Variants in AGAP1 observed in about 807,000 individuals in gnomAD.
The protein encoded by AGAP1 is ArfGAP with GTPase domain, ankyrin repeat and PH domain 1.
AGAP1 carries 29 observed loss-of-function variants against 105.3 expected under a neutral mutation model. The ratio of observed to expected loss-of-function variants is 0.28; its 90% CI spans 0.21 to 0.38. The LOEUF is 0.38. Among genes scored for constraint, AGAP1 ranks in the 10% least tolerant of loss-of-function variants. The pLI is 1.00. For missense variants in AGAP1, 998 were observed against 1,165.1 expected (o/e 0.86, Z 2.09); for synonymous variants, 509 against 485.9 (o/e 1.05, Z -0.63).
At chr2:235,852,960 A>T in intron 9 of AGAP1, 1 of 1,264,250 alleles carries the variant, frequency 7.9e-7, no homozygotes, top group East Asian at 3.1e-5. Context: ...GACACCTTCC[A>T]ACAAAGAGGT....
In AGAP1 at chr2:235,905,980, T is replaced by C. The variant is rs554496060; in HGVS notation, c.1156-2758T>C. On this transcript the variant is annotated intron_variant, in intron 10 of 17. Coordinates refer to ENST00000304032, the MANE Select transcript of AGAP1 (RefSeq NM_001037131.3). The surrounding 1 kb of genome is among the most constrained non-coding windows in gnomAD (Gnocchi z 4.2). ...TTTTGTGGAGTCCAGCATCTCAACT[T>C]CCAAGTGGAATCCCTTTCGGGGGCT... is the stretch of plus-strand genomic sequence containing the variant. 6.6e-6 allele frequency among the ~76,000 whole-genome samples: 1 copy of C among 152,328 alleles called. No homozygotes were observed. The highest frequency in any genetic ancestry group is 2.1e-4 in the South Asian group (1 of 4,826).
rs377587447 is a variant in AGAP1, at chr2:235,738,781, C to T, written c.311-2182C>T. On this transcript the variant is annotated intron_variant, in intron 3 of 17. Transcript: ENST00000304032. ...CCGTGTTGGTCATGCTGGTCTTGAACTCCTGACCTCAGGTGATCCACCTGC... is the reference window on the plus strand; with the variant it reads ...CCGTGTTGGTCATGCTGGTCTTGAATTCCTGACCTCAGGTGATCCACCTGC... Among the ~76,000 whole-genome samples the T allele has an allele frequency of 8.5e-5, 13 of 152,204 alleles. No homozygotes were observed. In the East Asian group the frequency reaches 1.9e-3, roughly 23 times the overall value.
intron 1 of AGAP1, among the ~76,000 whole-genome samples, chr2:235,570,918 G>A (rs995668552): frequency 4.0e-4 from 61 of 152,224 alleles, no homozygotes; most frequent in African/African-American, 1.4e-3. Flanking sequence ...CTGAGACTGG[G>A]TAATTTATAA....
chr2:235,796,192 A>G, intron 6 of AGAP1, among the ~76,000 whole-genome samples: 1 of 152,356 alleles, frequency 6.6e-6, no homozygotes, highest in African/African-American at 2.4e-5. Flanking sequence ...CAAAGTAGCA[A>G]TACTTTAGCA....
chr2:236,094,359 ATT>A (rs200607758), intron 16 of AGAP1, among the ~76,000 whole-genome samples: 16 of 142,422 alleles, frequency 1.1e-4, no homozygotes, highest in Admixed American at 2.1e-4. Context: ...AGAGCTGAGA[ATT>A]TTTTTTTTTT....
At chr2:235,834,551 T>C (rs764439326) in intron 9 of AGAP1, among the ~76,000 whole-genome samples, 2 of 152,158 alleles carry the variant, frequency 1.3e-5, no homozygotes, top group Admixed American at 6.5e-5. Context: ...TGGCTCTTAA[T>C]TTACATATTC....
chr2:235,510,716 A>C (rs1482056369), intron 1 of AGAP1, among the ~76,000 whole-genome samples: 2 of 152,022 alleles, frequency 1.3e-5, no homozygotes, highest in Non-Finnish European at 2.9e-5. Flanking sequence ...CAGTGATGGG[A>C]TAGCAGCTGT....
At chr2:235,495,038 G>A (rs1941252924) in intron 1 of AGAP1, among the ~76,000 whole-genome samples, 189 bp downstream of exon 1, 2 of 152,140 alleles carry the variant, frequency 1.3e-5, no homozygotes, top group Admixed American at 1.3e-4. Context: ...GCCGCGCCGC[G>A]AGCTCCGCCA....
chr2:235,949,298 T>G (rs915379884), intron 12 of AGAP1, among the ~76,000 whole-genome samples: 28 of 152,320 alleles, frequency 1.8e-4, no homozygotes, highest in African/African-American at 6.3e-4. Flanking sequence ...ATTTCGGATT[T>G]TTGGATTAGG....
chr2:235,897,253 T>C (rs1250650637), intron 10 of AGAP1, among the ~76,000 whole-genome samples: 2 of 152,176 alleles, frequency 1.3e-5, no homozygotes, highest in African/African-American at 4.8e-5. Context: ...TTGGCCAGGC[T>C]GGTCTCAAAT....
At position 235,740,837 on chromosome 2, in the gene AGAP1, C is replaced by G. The variant is rs1952536760; in HGVS notation, c.311-126C>G. ...AAATTCAGCATTTGCTGGCAACATC[C>G]TAAATACTCAGTTGCCTCCAGGGCG... On this transcript the variant is annotated intron_variant, in intron 3 of 17. Coordinates refer to ENST00000304032, the MANE Select transcript of AGAP1 (RefSeq NM_001037131.3). The surrounding 1 kb of genome is among the most constrained non-coding windows in gnomAD (Gnocchi z 5.7). 9.4e-7 allele frequency: 1 copy of G among 1,059,712 alleles called. No homozygotes were observed. The highest frequency in any genetic ancestry group is 1.4e-6 in the Non-Finnish European group (1 of 725,602). The allele number at this position is 1,059,712 out of a possible 1,614,324, so 65.6% of individuals were successfully genotyped here. A position where few individuals can be genotyped will look rare whatever the true frequency, so the allele number is the denominator to read the frequency against.
At chr2:235,816,495 A>G (rs902943804) in intron 9 of AGAP1, among the ~76,000 whole-genome samples, 42 of 151,888 alleles carry the variant, frequency 2.8e-4, no homozygotes, top group African/African-American at 9.7e-4. Flanking sequence ...TCCAGGTCAG[A>G]CTTAGGAGGC....
rs2054079251 is a variant in AGAP1 at position 235,959,266 on chromosome 2, G to A, written c.1484-9196G>A. 6.6e-6 allele frequency among the ~76,000 whole-genome samples: 1 copy of A among 152,180 alleles called. No homozygotes were observed. Among genetic ancestry groups the A allele is most frequent in the African/African-American group, 2.4e-5 (1 of 41,444 alleles). On this transcript the variant is annotated intron_variant, in intron 12 of 17. Transcript: ENST00000304032. This position sits in a 1 kb window ranked among gnomAD's most constrained non-coding sequence, Gnocchi z 7.3. Reference sequence around the variant, plus strand: ...GCGGATGGCGCTCCGTGGGCCGGCTGGAGCTCATTTACAGTGTCTCAGGCG... The same window carrying A: ...GCGGATGGCGCTCCGTGGGCCGGCTAGAGCTCATTTACAGTGTCTCAGGCG...
rs576956172 is a variant in AGAP1, at chr2:235,569,583, A to G, written c.163+74734A>G. On this transcript the variant is annotated intron_variant, in intron 1 of 17. Transcript: ENST00000304032. The surrounding 1 kb of genome is among the most constrained non-coding windows in gnomAD (Gnocchi z 5.9). ...CCCATGTGAGCATGGTCTGTGAGCA[A>G]ACCTTCCTGTGGATAGGTTTGGAGG... Among the ~76,000 whole-genome samples, 5 of 152,258 alleles carry G rather than the reference A, an allele frequency of 3.3e-5. No homozygotes were observed. The highest frequency in any genetic ancestry group is 3.9e-4 in the East Asian group (2 of 5,160).
intron 1 of AGAP1, among the ~76,000 whole-genome samples, chr2:235,702,676 GA>G (rs1950311348): frequency 6.6e-6 from 1 of 152,158 alleles, no homozygotes; most frequent in South Asian, 2.1e-4. Flanking sequence ...GCTGTAGGTT[GA>G]ACCCCACTGT....
chr2:235,995,859 C>T (rs1464170391), intron 13 of AGAP1, among the ~76,000 whole-genome samples: 1 of 152,212 alleles, frequency 6.6e-6, no homozygotes, highest in Non-Finnish European at 1.5e-5. Flanking sequence ...CTCTCCCTCA[C>T]TTTCCCTCAC....
At chr2:235,878,030 A>T (rs1437546072) in intron 9 of AGAP1, among the ~76,000 whole-genome samples, 1 of 152,190 alleles carries the variant, frequency 6.6e-6, no homozygotes, top group East Asian at 1.9e-4. Flanking sequence ...CAGCCCGCTG[A>T]TTTGAGAGAA....
Position 235,750,237 on chromosome 2 carries a change from A to T in AGAP1, c.539-117A>T. 1 of 1,435,928 alleles carries T rather than the reference A, an allele frequency of 7.0e-7. No individual in the cohort carries two copies. The highest frequency in any genetic ancestry group is 9.6e-7 in the Non-Finnish European group (1 of 1,041,830). 88.9% of individuals were successfully genotyped at this position (1,435,928 alleles called of 1,614,324 possible). A position where few individuals can be genotyped will look rare whatever the true frequency, so the allele number is the denominator to read the frequency against. On this transcript the variant is annotated intron_variant, in intron 5 of 17. Transcript: ENST00000304032. This position sits in a 1 kb window ranked among gnomAD's most constrained non-coding sequence, Gnocchi z 5.3. ...AACGATGCTCTACAATTCCAGATTC[A>T]TAAACTAATTACATTTCTGCTGAGT...
intron 1 of AGAP1, among the ~76,000 whole-genome samples, chr2:235,538,425 C>CTGTG (rs1413280144): frequency 5.9e-4 from 17 of 28,602 alleles, no homozygotes; most frequent in Admixed American, 5.7e-3. Flanking sequence ...ACCTCAGCCA[C>CTGTG]TATGTGTGTG....
Sources: allele counts gnomAD v4.1 joint callset (sites outside exome capture counted in the v4.1 genomes callset), GRCh38; gene constraint gnomAD v4.1.1; non-coding constraint Gnocchi (gnomAD v3.1); transcripts MANE v1.5; gene names NCBI Gene and HGNC (gene_info 2026-07-23, HGNC 2026-07-21).